CANX: variants seen among roughly 807,000 people sequenced by gnomAD.
The protein encoded by CANX is calnexin.
In CANX, 14 loss-of-function variants were observed where a neutral mutation model predicts 75.7. That is an observed-to-expected ratio of 0.19 (90% CI 0.12 to 0.29). The LOEUF (loss-of-function observed/expected upper bound fraction) is 0.29. CANX is among the 10% of genes least tolerant of loss of function. The probability of loss-of-function intolerance (pLI) is 1.00; values close to 1 mark genes in which losing one functional copy is unlikely to be tolerated. For missense variants in CANX, 567 were observed against 713.2 expected (o/e 0.79, Z 2.34); for synonymous variants, 227 against 236.9 (o/e 0.96, Z 0.38).
At chr5:179,728,554 A>G (rs1778811975) in intron 14 of CANX, 37 bp from the exon 15 acceptor site, 2 of 1,220,602 alleles carry the variant, frequency 1.6e-6, no homozygotes, top group African/African-American at 3.0e-5. Flanking sequence ...TATTTTTTAA[A>G]TGTGCTAATT....
chr5:179,728,104 G>A (rs1229330257), intron 14 of CANX, among the ~76,000 whole-genome samples: 1 of 152,134 alleles, frequency 6.6e-6, no homozygotes, highest in Non-Finnish European at 1.5e-5. Context: ...TCCCTCACAC[G>A]TTAAAAAGTT....
intron 1 of CANX, among the ~76,000 whole-genome samples, chr5:179,688,971 G>A (rs559305659): frequency 4.0e-5 from 6 of 150,202 alleles, no homozygotes; most frequent in Admixed American, 6.7e-5. Context: ...GAAAGAGGCC[G>A]GGTGTGGTGG....
intron 1 of CANX, among the ~76,000 whole-genome samples, chr5:179,703,407 G>C (rs34329357): frequency 0.46 from 69,569 of 151,564 alleles, 17,307 homozygotes; most frequent in South Asian, 0.62. Context: ...TAGTAGAAAC[G>C]GAGTTTCATC....
At chr5:179,690,798 A>G (rs1776287448) in intron 1 of CANX, among the ~76,000 whole-genome samples, 1 of 151,652 alleles carries the variant, frequency 6.6e-6, no homozygotes, top group Non-Finnish European at 1.5e-5. Context: ...CTGAGACATG[A>G]TAGTCACTTG....
chr5:179,698,412 G>A (rs1023079130), upstream of CANX: 62 of 1,258,784 alleles, frequency 4.9e-5, no homozygotes, highest in Non-Finnish European at 6.3e-5. Flanking sequence ...CACACAGCGC[G>A]GAGCAGTGCA....
chr5:179,719,826 TTG>T (rs1417643073), intron 9 of CANX, 45 bp downstream of exon 9: 2 of 1,124,332 alleles, frequency 1.8e-6, no homozygotes, highest in African/African-American at 3.2e-5. Context: ...GTTTTTTTGT[TTG>T]TTTTTTTTTT....
At chr5:179,683,415 G>A (rs946513769) in intron 1 of CANX, among the ~76,000 whole-genome samples, 6 of 151,980 alleles carry the variant, frequency 3.9e-5, no homozygotes, top group Admixed American at 3.3e-4. Context: ...TTACAGGTGT[G>A]AGCCACCGCG....
chr5:179,707,447 G>A (rs1385065279), intron 4 of CANX, among the ~76,000 whole-genome samples: 1 of 152,118 alleles, frequency 6.6e-6, no homozygotes, highest in East Asian at 1.9e-4. Context: ...AGCTGGGCGT[G>A]GCAGCGTGCA....
chr5:179,705,796 A>G lies in CANX; in HGVS notation c.115A>G (p.Ile39Val), dbSNP rs761639685. 54 of 1,613,160 alleles carry G rather than the reference A, an allele frequency of 3.3e-5. No homozygotes were observed. Among genetic ancestry groups the G allele is most frequent in the Non-Finnish European group, 4.5e-5 (53 of 1,179,258 alleles). ...TATTGAGGATGACCTTGACGATGTC[A>G]TTGAAGAGGTAGAAGACTCAAAACC... is the stretch of plus-strand genomic sequence containing the variant. ...IDIEDDLDDV[I>V]EEVEDSKPDT... Residue 39 changes from isoleucine (I) to valine (V), a missense_variant, in exon 2 of 15, where the codon ATT (isoleucine) becomes GTT (valine). Ile to Val is a conservative substitution (Grantham distance 29). Coordinates refer to ENST00000247461, the MANE Select transcript of CANX (RefSeq NM_001746.4).
At chr5:179,720,341 G>C (rs1778229885) in intron 9 of CANX, 63 bp from the exon 10 acceptor site, 1 of 1,376,432 alleles carries the variant, frequency 7.3e-7, no homozygotes, top group African/African-American at 1.4e-5. Flanking sequence ...CCCTGGGCCA[G>C]CCAGCTGTTC....
At chr5:179,684,926 A>ATTTTTTTTTT (rs71001039) in intron 1 of CANX, among the ~76,000 whole-genome samples, 1,316 of 49,036 alleles carry the variant, frequency 0.027, 131 homozygotes, top group East Asian at 0.13. Flanking sequence ...CTAATTTTGT[A>ATTTTTTTTTT]TTTTTTTTTT....
In CANX at chr5:179,728,924, C is replaced by A. The variant is rs961517580; in HGVS notation, c.*280C>A. 3 of 432,686 alleles carry A rather than the reference C, an allele frequency of 6.9e-6. No individual in the cohort carries two copies. The highest frequency in any genetic ancestry group is 3.8e-5 in the Admixed American group (1 of 26,412). 26.8% of individuals were successfully genotyped at this position (432,686 alleles called of 1,614,324 possible). A position where few individuals can be genotyped will look rare whatever the true frequency, so the allele number is the denominator to read the frequency against. On this transcript the variant is annotated 3_prime_UTR_variant, in exon 15 of 15. Coordinates refer to ENST00000247461, the MANE Select transcript of CANX (RefSeq NM_001746.4). Reference sequence around the variant, plus strand: ...AAACTAACTTTTTTTTTTTTAACATCTTTGTTTTTAAAATAGAATGATAGA... The same window carrying A: ...AAACTAACTTTTTTTTTTTTAACATATTTGTTTTTAAAATAGAATGATAGA...
chr5:179,681,027 C>T, intron 1 of CANX: 4 of 972,122 alleles, frequency 4.1e-6, no homozygotes, highest in Non-Finnish European at 4.7e-6. Context: ...AGCTGCTGTC[C>T]CAGGGCTAGT....
At chr5:179,726,627 T>C in intron 13 of CANX, 53 bp from the exon 14 acceptor site, 2 of 1,230,790 alleles carry the variant, frequency 1.6e-6, no homozygotes, top group Non-Finnish European at 2.4e-6. Flanking sequence ...AATGCTAATA[T>C]ATAATCACCA....
At chr5:179,689,170 C>G (rs528186935) in intron 1 of CANX, among the ~76,000 whole-genome samples, 4 of 152,092 alleles carry the variant, frequency 2.6e-5, no homozygotes, top group Admixed American at 6.6e-5. Flanking sequence ...TCGCTTAAAC[C>G]CAGGAGGCAG....
At position 179,712,806 on chromosome 5, in the gene CANX, G is replaced by A. The variant is rs764202902; in HGVS notation, c.721+2741G>A. Among the ~76,000 whole-genome samples, 6 of 147,982 alleles carry A rather than the reference G, an allele frequency of 4.1e-5. No individual in the cohort carries two copies. The South Asian group carries it at 1.1e-3, about 26-fold the overall frequency. On this transcript the variant is annotated intron_variant, in intron 7 of 14. Transcript: ENST00000247461. ...TGGCGTGATCTTGGCCTACTGTGAC[G>A]TCTGCCTCCCGGGTTCAAGCGATTC...
At chr5:179,720,331 C>A in intron 9 of CANX, 73 bp from the exon 10 acceptor site, 1 of 1,210,880 alleles carries the variant, frequency 8.3e-7, no homozygotes, top group Non-Finnish European at 1.2e-6. Flanking sequence ...ATCTTGGCAG[C>A]CCTGGGCCAG....
chr5:179,727,616 T>C (rs1778746619), intron 14 of CANX, among the ~76,000 whole-genome samples: 2 of 152,170 alleles, frequency 1.3e-5, no homozygotes, highest in South Asian at 4.1e-4. Flanking sequence ...CTTTCCCTCC[T>C]AGTGAAGCGG....
At chr5:179,690,149 A>C (rs1458658277) in intron 1 of CANX, among the ~76,000 whole-genome samples, 1 of 152,206 alleles carries the variant, frequency 6.6e-6, no homozygotes, top group Non-Finnish European at 1.5e-5. Context: ...AACCAAGAGG[A>C]ATATTCCCCA....
Sources: gnomAD v4.1 joint callset for allele counts (sites outside exome capture counted in the v4.1 genomes callset) on GRCh38, gnomAD v4.1.1 for gene constraint, MANE v1.5 for transcripts, NCBI Gene and HGNC (gene_info 2026-07-23, HGNC 2026-07-21) for gene names.